WWC1: variants seen among roughly 807,000 people sequenced by gnomAD.
WWC1 encodes protein KIBRA.
A neutral mutation model predicts 138.4 loss-of-function variants in WWC1; 55 were observed. The ratio of observed to expected loss-of-function variants is 0.40; its 90% confidence interval spans 0.32 to 0.50. WWC1 has a LOEUF of 0.50. WWC1 is among the 20% of genes least tolerant of loss of function. The pLI is 0.72. For missense variants in WWC1, 1,226 were observed against 1,420.4 expected (o/e 0.86, Z 2.20); for synonymous variants, 524 against 564.9 (o/e 0.93, Z 1.03).
intron 1 of WWC1, among the ~76,000 whole-genome samples, chr5:168,333,807 T>A (rs1773229526): frequency 1.3e-5 from 2 of 152,062 alleles, no homozygotes; most frequent in African/African-American, 4.8e-5. Context: ...TTGCTATCCC[T>A]TACCAGCCCC....
At chr5:168,449,559 G>A (rs1755603550) in intron 17 of WWC1, among the ~76,000 whole-genome samples, 1 of 134,746 alleles carries the variant, frequency 7.4e-6, no homozygotes, top group Non-Finnish European at 1.6e-5. Flanking sequence ...GTGTTCACAT[G>A]TTTAACAGCT....
intron 13 of WWC1, among the ~76,000 whole-genome samples, chr5:168,429,877 A>G (rs1781808013): frequency 6.6e-6 from 1 of 152,148 alleles, no homozygotes. Flanking sequence ...CGAGGCTACC[A>G]TGAGCCCCGA....
chr5:168,390,284 G>A (rs571793279), intron 3 of WWC1, among the ~76,000 whole-genome samples: 1 of 152,100 alleles, frequency 6.6e-6, no homozygotes, highest in Admixed American at 6.6e-5. Flanking sequence ...ATTATTATTA[G>A]TTCATTCGCA....
At chr5:168,379,233 A>G (rs189151207) in intron 2 of WWC1, among the ~76,000 whole-genome samples, 27 of 152,266 alleles carry the variant, frequency 1.8e-4, no homozygotes, top group African/African-American at 6.5e-4. Flanking sequence ...TAAAACAAGA[A>G]CTAAAATGTA....
chr5:168,411,587 C>T (rs1439419776), intron 8 of WWC1: 2 of 152,206 alleles, frequency 1.3e-5, no homozygotes, highest in Admixed American at 6.5e-5. Flanking sequence ...CTCTCCTTTT[C>T]TTCACCCTGC....
chr5:168,425,147 G>A (rs370204501), intron 11 of WWC1, among the ~76,000 whole-genome samples: 123 of 152,302 alleles, frequency 8.1e-4, no homozygotes, highest in African/African-American at 2.8e-3. Flanking sequence ...CAGCCAACAA[G>A]TGAGGAAGCA....
At chr5:168,436,720 C>T (rs73802303) in intron 15 of WWC1, among the ~76,000 whole-genome samples, 2,879 of 152,200 alleles carry the variant, frequency 0.019, 58 homozygotes, top group African/African-American at 0.059. Flanking sequence ...TTCCCTCACC[C>T]CATCCTCTTA....
In WWC1 at chr5:168,347,924, G is replaced by A. The variant is rs569706426; in HGVS notation, c.120-23500G>A. ...CATTGTGAAGAGCTGGGAAGGAGAA[G>A]CAGATGGGCTGTGGGCTTATCAAGC... is the stretch of plus-strand genomic sequence containing the variant. On this transcript the variant is annotated intron_variant, in intron 1 of 22. Coordinates refer to ENST00000265293, the MANE Select transcript of WWC1 (RefSeq NM_015238.3). 4.2e-3 allele frequency among the ~76,000 whole-genome samples: 646 copies of A among 152,340 alleles called. 1 individual carries two copies. The highest frequency in any genetic ancestry group is 6.1e-3 in the Admixed American group (94 of 15,308).
At chr5:168,414,182 C>A (rs572726945) in intron 8 of WWC1, 166 bp from the exon 9 acceptor site, 3 of 983,866 alleles carry the variant, frequency 3.0e-6, no homozygotes, top group African/African-American at 1.6e-5. Flanking sequence ...GGTAGGCACC[C>A]ACATGTGTTT....
Position 168,423,991 on chromosome 5 carries a change from A to T in WWC1, c.1733A>T (p.Glu578Val), listed in dbSNP as rs771242617. 1 of 1,613,920 alleles carries T rather than the reference A, an allele frequency of 6.2e-7. No homozygotes were observed. Among genetic ancestry groups the T allele is most frequent in the African/African-American group, 1.3e-5 (1 of 74,864 alleles). ...EDPELSATLC[E>V]LSLGNSAQER... is the part of the protein sequence containing the mutation. ...CCGGAGCTGAGTGCCACTCTTTGTGAACTGAGCCTTGGTAACAGCGCCCAG... is the reference window on the plus strand; with the variant it reads ...CCGGAGCTGAGTGCCACTCTTTGTGTACTGAGCCTTGGTAACAGCGCCCAG... Residue 578 changes from glutamate (E) to valine (V), a missense_variant, in exon 11 of 23, where the codon GAA (glutamate) becomes GTA (valine). Transcript: ENST00000265293.
intron 1 of WWC1, among the ~76,000 whole-genome samples, chr5:168,309,327 A>G (rs1770855055): frequency 6.6e-6 from 1 of 152,194 alleles, no homozygotes; most frequent in South Asian, 2.1e-4. Flanking sequence ...CAACAAATCG[A>G]AAATTGAATC....
At position 168,469,018 on chromosome 5, in the gene WWC1, T is replaced by C. The variant is rs773970413; in HGVS notation, c.*1T>C. 1 of 1,614,236 alleles carries C rather than the reference T, an allele frequency of 6.2e-7. No homozygotes were observed. Among genetic ancestry groups the C allele is most frequent in the Admixed American group, 1.7e-5 (1 of 60,034 alleles). Reference sequence around the variant, plus strand: ...AGCTCTCTCTGCAGATGACGTCTAATCGCCAGAAAAGTATTTCCTTTGTTC... The same window carrying C: ...AGCTCTCTCTGCAGATGACGTCTAACCGCCAGAAAAGTATTTCCTTTGTTC... On this transcript the variant is annotated 3_prime_UTR_variant, in exon 23 of 23. Coordinates refer to ENST00000265293, the MANE Select transcript of WWC1 (RefSeq NM_015238.3).
At chr5:168,316,157 A>G (rs539778209) in intron 1 of WWC1, among the ~76,000 whole-genome samples, 9 of 152,236 alleles carry the variant, frequency 5.9e-5, no homozygotes, top group African/African-American at 2.2e-4. Flanking sequence ...AGAATTTGCG[A>G]CCACGATTTT....
chr5:168,314,039 A>T (rs17832301), intron 1 of WWC1, among the ~76,000 whole-genome samples: 52,833 of 152,098 alleles, frequency 0.35, 9,577 homozygotes, highest in Admixed American at 0.41. Context: ...GCAGGAGGTC[A>T]CCAGGGCTAC....
Position 168,360,307 on chromosome 5 carries a change from G to T in WWC1, c.120-11117G>T, listed in dbSNP as rs570613350. Reference sequence around the variant, plus strand: ...TTTGGTGAAATAGGGTCTATGTAAGGGACATTGGATAGTGCCTGGCATTTT... The same window carrying T: ...TTTGGTGAAATAGGGTCTATGTAAGTGACATTGGATAGTGCCTGGCATTTT... On this transcript the variant is annotated intron_variant, in intron 1 of 22. Coordinates refer to ENST00000265293, the MANE Select transcript of WWC1 (RefSeq NM_015238.3). Among the ~76,000 whole-genome samples the T allele has an allele frequency of 2.6e-5, 4 of 152,232 alleles. No individual in the cohort carries two copies. In the South Asian group the frequency reaches 8.3e-4, roughly 32 times the overall value.
chr5:168,342,469 A>G (rs1156898481), intron 1 of WWC1, among the ~76,000 whole-genome samples: 2 of 152,218 alleles, frequency 1.3e-5, no homozygotes, highest in Non-Finnish European at 2.9e-5. Context: ...CAGTTCAGCC[A>G]GTGATACATG....
chr5:168,313,496 C>T (rs1185447444), intron 1 of WWC1, among the ~76,000 whole-genome samples: 1 of 151,776 alleles, frequency 6.6e-6, no homozygotes, highest in Non-Finnish European at 1.5e-5. Context: ...GAGGCTGAGG[C>T]AGGAGAATTG....
At chr5:168,305,598 A>G (rs1770484132) in intron 1 of WWC1, among the ~76,000 whole-genome samples, 1 of 152,164 alleles carries the variant, frequency 6.6e-6, no homozygotes. Context: ...TCCTCTTAGC[A>G]GCAAACCACT....
chr5:168,431,834 C>T (rs1781973227), intron 15 of WWC1, among the ~76,000 whole-genome samples: 1 of 152,104 alleles, frequency 6.6e-6, no homozygotes, highest in Non-Finnish European at 1.5e-5. Context: ...CTTTGGGAGG[C>T]CAAGGCCAGA....
Sources: allele counts gnomAD v4.1 joint callset (sites outside exome capture counted in the v4.1 genomes callset), GRCh38; gene constraint gnomAD v4.1.1; transcripts MANE v1.5; gene names NCBI Gene and HGNC (gene_info 2026-07-23, HGNC 2026-07-21).